Variants in EIF4E3 observed in about 807,000 individuals in gnomAD.
The protein encoded by EIF4E3 is eukaryotic translation initiation factor 4E family member 3.
In EIF4E3, 26 loss-of-function variants were observed where a neutral mutation model predicts 31.7. The observed-to-expected ratio is 0.82, with a 90% confidence interval of 0.60 to 1.14. The LOEUF (loss-of-function observed/expected upper bound fraction) is 1.14. EIF4E3 is among the 50% of genes most tolerant of loss of function. EIF4E3 has a pLI of 0.00. For synonymous variants in EIF4E3, 128 were observed against 107.7 expected, an observed-to-expected ratio of 1.19 and a Z score of -1.17; for missense variants, 304 against 270.9, an observed-to-expected ratio of 1.12 and a Z score of -0.86.
Position 71,675,547 on chromosome 3 carries a change from C to T in EIF4E3, c.*9135G>A, listed in dbSNP as rs1282258622. 1 of 152,166 alleles carries T rather than the reference C, an allele frequency of 6.6e-6. No individual in the cohort carries two copies. The highest frequency in any genetic ancestry group is 1.9e-4 in the East Asian group (1 of 5,204). The allele number at this position is 152,166 out of a possible 1,614,324, so 9.4% of individuals were successfully genotyped here. On this transcript the variant is annotated 3_prime_UTR_variant, in exon 7 of 7. Transcript: ENST00000425534. The stretch of plus-strand genomic sequence containing the variant: ...TGTCGCAAAGAAGCAGGTTAGAAAA[C>T]ATGCATTTTTTCCACATAATATATG...
chr3:71,704,300 G>A (rs1559597718), intron 2 of EIF4E3, among the ~76,000 whole-genome samples: 1 of 152,196 alleles, frequency 6.6e-6, no homozygotes, highest in African/African-American at 2.4e-5. Flanking sequence ...TGAAAGGATG[G>A]GAGAGAGCCC....
chr3:71,738,186 G>A (rs945060582), intron 1 of EIF4E3, among the ~76,000 whole-genome samples: 6 of 152,144 alleles, frequency 3.9e-5, no homozygotes, highest in East Asian at 3.8e-4. Flanking sequence ...GCTAACAAGC[G>A]CAGACAAGAA....
At chr3:71,672,966 A>G (rs2048854707), downstream of EIF4E3, among the ~76,000 whole-genome samples, 1 of 152,128 alleles carries the variant, frequency 6.6e-6, no homozygotes, top group South Asian at 2.1e-4. Context: ...CCTCTCTACA[A>G]TCTTAAAAGA....
At chr3:71,691,741 T>C (rs896172398) in intron 5 of EIF4E3, among the ~76,000 whole-genome samples, 1 of 152,246 alleles carries the variant, frequency 6.6e-6, no homozygotes, top group African/African-American at 2.4e-5. Flanking sequence ...TAGTACCTTG[T>C]CATGGCCATT....
intron 1 of EIF4E3, among the ~76,000 whole-genome samples, chr3:71,739,894 G>A (rs1231129245): frequency 6.6e-6 from 1 of 151,812 alleles, no homozygotes; most frequent in Non-Finnish European, 1.5e-5. Flanking sequence ...ATGTACTATG[G>A]GCTTTATAAC....
upstream of EIF4E3, among the ~76,000 whole-genome samples, chr3:71,726,703 C>T (rs1206884030): frequency 6.6e-6 from 1 of 152,112 alleles, no homozygotes; most frequent in African/African-American, 2.4e-5. Flanking sequence ...AGATGCCCTC[C>T]CTAAAAGGTA....
chr3:71,741,393 T>C (rs988757740), intron 1 of EIF4E3, among the ~76,000 whole-genome samples: 2 of 152,164 alleles, frequency 1.3e-5, no homozygotes, highest in African/African-American at 4.8e-5. Context: ...ACTAAGTAAA[T>C]TCCGGAGCAA....
intron 1 of EIF4E3, among the ~76,000 whole-genome samples, chr3:71,736,293 A>G (rs1340116083): frequency 6.6e-6 from 1 of 152,168 alleles, no homozygotes; most frequent in Non-Finnish European, 1.5e-5. Flanking sequence ...CAGCAATTAT[A>G]CTCCTTGGTA....
At chr3:71,713,170 T>C (rs2049408996) in intron 1 of EIF4E3, among the ~76,000 whole-genome samples, 1 of 152,238 alleles carries the variant, frequency 6.6e-6, no homozygotes, top group Non-Finnish European at 1.5e-5. Context: ...ACTGAATCCC[T>C]GCAATCCTAT....
rs1402779326 is a variant in EIF4E3 at position 71,693,701 on chromosome 3, T to C, written c.472+174A>G. 2.6e-5 allele frequency among the ~76,000 whole-genome samples: 4 copies of C among 152,122 alleles called. 1 individual carries two copies. Among genetic ancestry groups the C allele is most frequent in the Admixed American group, 2.0e-4 (3 of 15,270 alleles). On this transcript the variant is annotated intron_variant, in intron 5 of 6. Coordinates refer to ENST00000425534, the MANE Select transcript of EIF4E3 (RefSeq NM_001134651.2). ...ATGCATATGGACACAGACACACATA[T>C]CTAACACTGAACACGAAAATCACAT...
Position 71,710,435 on chromosome 3 carries a change from T to A in EIF4E3, c.226A>T (p.Ile76Phe). The A allele has an allele frequency of 6.4e-7, 1 of 1,552,148 alleles. No individual in the cohort carries two copies. The highest frequency in any genetic ancestry group is 8.7e-7 in the Non-Finnish European group (1 of 1,147,090). Residue 76 changes from isoleucine (I) to phenylalanine (F), a missense_variant, in exon 2 of 7, where the codon ATC becomes TTC. By Grantham distance (21) the Ile-to-Phe change is conservative (BLOSUM62 0). Coordinates refer to ENST00000425534, the MANE Select transcript of EIF4E3 (RefSeq NM_001134651.2). ...AAECASNLKK[I>F]YTVQTVQIFW... ...ACCTGTACTGTCTGTACTGTGTAGA[T>A]TTTCTTCAGATTTGATGCGCACTCA...
chr3:71,690,181 G>GAAA lies in EIF4E3; in HGVS notation c.473-19_473-17dup. 3 of 1,227,546 alleles carry GAAA rather than the reference G, an allele frequency of 2.4e-6. No homozygotes were observed. Among genetic ancestry groups the GAAA allele is most frequent in the Admixed American group, 2.5e-5 (1 of 40,688 alleles). The allele number at this position is 1,227,546 out of a possible 1,614,324, so 76.0% of individuals were successfully genotyped here. On this transcript the variant is annotated splice_polypyrimidine_tract_variant and intron_variant, in intron 5 of 6. Transcript: ENST00000425534. The stretch of plus-strand genomic sequence containing the variant: ...ACTTCATCATCTGAGGGGAAGACAG[G>GAAA]AAAAAAAAAAAATGAGTGATACTTC...
the EIF4E3 span, among the ~76,000 whole-genome samples, chr3:71,660,454 G>A: frequency 2.0e-5 from 3 of 152,224 alleles, no homozygotes; most frequent in Non-Finnish European, 4.4e-5. Context: ...TCAAAGGCAA[G>A]TCGATTGTAA....
intron 1 of EIF4E3, among the ~76,000 whole-genome samples, chr3:71,743,943 A>G (rs2049846041): frequency 6.6e-6 from 1 of 152,192 alleles, no homozygotes; most frequent in Non-Finnish European, 1.5e-5. Flanking sequence ...CATTTATAAT[A>G]TTAACATGGA....
At position 71,684,595 on chromosome 3, in the gene EIF4E3, C is replaced by T. The variant is rs1174962364; in HGVS notation, c.*87G>A. Reference sequence around the variant, plus strand: ...ACTCTAAATTGACCAGCATCGGCTTCGGCAAGTCTTCTCTTCACTCTCCCT... The same window carrying T: ...ACTCTAAATTGACCAGCATCGGCTTTGGCAAGTCTTCTCTTCACTCTCCCT... On this transcript the variant is annotated 3_prime_UTR_variant, in exon 7 of 7. Transcript: ENST00000425534. 16 of 1,539,110 alleles carry T rather than the reference C, an allele frequency of 1.0e-5. No individual in the cohort carries two copies. The highest frequency in any genetic ancestry group is 1.3e-5 in the Non-Finnish European group (14 of 1,117,436).
rs2048892375 is a variant in EIF4E3, at chr3:71,678,702, C to G, written c.*5980G>C. 6.6e-6 allele frequency: 1 copy of G among 152,058 alleles called. No individual in the cohort carries two copies. 9.4% of individuals were successfully genotyped at this position (152,058 alleles called of 1,614,324 possible). ...TTGTAGCCAGATGTGAAAGGGTCCC[C>G]AACTGCACAGGGCACAGATGGTATA... On this transcript the variant is annotated 3_prime_UTR_variant, in exon 7 of 7. Coordinates refer to ENST00000425534, the MANE Select transcript of EIF4E3 (RefSeq NM_001134651.2).
intron 1 of EIF4E3, among the ~76,000 whole-genome samples, chr3:71,748,714 T>G: frequency 6.6e-6 from 1 of 152,062 alleles, no homozygotes. Flanking sequence ...CCCACACACA[T>G]GCGCGCACTA....
intron 5 of EIF4E3, among the ~76,000 whole-genome samples, chr3:71,692,553 G>A (rs1327075203): frequency 6.6e-6 from 1 of 151,558 alleles, no homozygotes; most frequent in African/African-American, 2.4e-5. Context: ...TATTAAAACA[G>A]AAGGAATCTG....
intron 2 of EIF4E3, among the ~76,000 whole-genome samples, chr3:71,701,773 G>T (rs1021286334): frequency 2.0e-5 from 3 of 152,140 alleles, no homozygotes; most frequent in African/African-American, 7.2e-5. Context: ...TGGCAATGAT[G>T]AACTATAAGA....
Sources: gnomAD v4.1 joint callset for allele counts (sites outside exome capture counted in the v4.1 genomes callset) on GRCh38, gnomAD v4.1.1 for gene constraint, MANE v1.5 for transcripts, NCBI Gene and HGNC (gene_info 2026-07-23, HGNC 2026-07-21) for gene names.